The following PAK5 variants were observed in gnomAD, a reference collection of about 807,000 sequenced individuals.
PAK5 encodes serine/threonine-protein kinase PAK 5.
PAK5 carries 16 observed loss-of-function variants against 65.9 expected under a neutral mutation model. That is an observed-to-expected ratio of 0.24 (90% CI 0.16 to 0.37). The LOEUF (loss-of-function observed/expected upper bound fraction) is 0.37, where lower values mean the gene tolerates loss of function less well. PAK5 is among the 10% of genes least tolerant of loss of function. The pLI is 1.00. For missense variants in PAK5, 785 were observed against 903.9 expected, an observed-to-expected ratio of 0.87 and a Z score of 1.69; for synonymous variants, 371 against 354.9, an observed-to-expected ratio of 1.05 and a Z score of -0.51.
intron 3 of PAK5, among the ~76,000 whole-genome samples, chr20:9,619,908 T>C (rs933672074): frequency 1.3e-5 from 2 of 152,244 alleles, no homozygotes; most frequent in Middle Eastern, 3.4e-3. Flanking sequence ...AGCCAATCAT[T>C]AGTGCTCTCA....
chr20:9,565,464 T>C (rs1479971145), intron 5 of PAK5, among the ~76,000 whole-genome samples: 1 of 152,338 alleles, frequency 6.6e-6, no homozygotes, highest in Admixed American at 6.5e-5. Context: ...TATTATGATA[T>C]CATAGTAGTG....
At chr20:9,738,672 C>T (rs999229369) in intron 1 of PAK5, among the ~76,000 whole-genome samples, 1 of 152,096 alleles carries the variant, frequency 6.6e-6, no homozygotes, top group Non-Finnish European at 1.5e-5. Context: ...GTTGGGCAGA[C>T]AGGAAAAGGC....
At chr20:9,546,852 T>C (rs1204656889) in intron 7 of PAK5, among the ~76,000 whole-genome samples, 1 of 152,182 alleles carries the variant, frequency 6.6e-6, no homozygotes, top group Non-Finnish European at 1.5e-5. Context: ...AGAAATGAGA[T>C]GTATTTTAAT....
intron 2 of PAK5, among the ~76,000 whole-genome samples, chr20:9,705,533 C>A (rs537045323): frequency 3.9e-5 from 6 of 152,140 alleles, no homozygotes; most frequent in Admixed American, 3.3e-4. Flanking sequence ...TAAAATCGAT[C>A]ATATGTGTAT....
chr20:9,769,901 A>G (rs550326210), intron 1 of PAK5, among the ~76,000 whole-genome samples: 64 of 152,366 alleles, frequency 4.2e-4, no homozygotes, highest in South Asian at 8.3e-4. Flanking sequence ...TGGTACAAAG[A>G]AATTAGCTAG....
intron 1 of PAK5, among the ~76,000 whole-genome samples, chr20:9,809,477 A>C (rs1187146575): frequency 6.6e-6 from 1 of 152,100 alleles, no homozygotes; most frequent in Non-Finnish European, 1.5e-5. Flanking sequence ...AGAAAGTAAC[A>C]GCTGAGACAA....
Position 9,699,098 on chromosome 20 carries a change from G to A in PAK5, c.-12+12188C>T, listed in dbSNP as rs1600257411. Among the ~76,000 whole-genome samples, 4 of 152,196 alleles carry A rather than the reference G, an allele frequency of 2.6e-5. No individual in the cohort carries two copies. In the South Asian group the frequency reaches 6.2e-4, roughly 24 times the overall value. ...AAGAACGGTCACAATGCCCTCCTCTGCATCCCCTGTACTACAACCAGATCT... is the reference window on the plus strand; with the variant it reads ...AAGAACGGTCACAATGCCCTCCTCTACATCCCCTGTACTACAACCAGATCT... On this transcript the variant is annotated intron_variant, in intron 2 of 9. Transcript: ENST00000353224.
At chr20:9,567,877 A>G (rs750338569) in intron 4 of PAK5, among the ~76,000 whole-genome samples, 1 of 152,244 alleles carries the variant, frequency 6.6e-6, no homozygotes, top group Non-Finnish European at 1.5e-5. Context: ...TGGATAGGGT[A>G]GTCACAGAAG....
chr20:9,581,819 A>C (rs1346125617), intron 3 of PAK5, among the ~76,000 whole-genome samples: 1 of 152,192 alleles, frequency 6.6e-6, no homozygotes, highest in African/African-American at 2.4e-5. Flanking sequence ...GGGGTGGATA[A>C]AAGAACAAAG....
At chr20:9,690,228 C>T (rs1054962791) in intron 2 of PAK5, among the ~76,000 whole-genome samples, 1 of 152,266 alleles carries the variant, frequency 6.6e-6, no homozygotes, top group Non-Finnish European at 1.5e-5. Flanking sequence ...AGGCTGACAG[C>T]GACACACCAT....
intron 1 of PAK5, among the ~76,000 whole-genome samples, chr20:9,797,465 G>C (rs1471434341): frequency 7.1e-6 from 1 of 140,162 alleles, no homozygotes; most frequent in African/African-American, 2.6e-5. Flanking sequence ...TTGGACACAG[G>C]AAGGGGAACA....
At chr20:9,644,385 G>C (rs1012375999) in intron 2 of PAK5, 46 bp from the exon 3 acceptor site, 1 of 1,270,928 alleles carries the variant, frequency 7.9e-7, no homozygotes, top group Non-Finnish European at 1.1e-6. Flanking sequence ...TATCTTGCCA[G>C]CAGAAGACCA....
chr20:9,627,137 A>G (rs2123211498), intron 3 of PAK5, among the ~76,000 whole-genome samples: 1 of 152,362 alleles, frequency 6.6e-6, no homozygotes, highest in South Asian at 2.1e-4. Flanking sequence ...TATCTGCTAA[A>G]CATACCACAG....
At chr20:9,713,374 C>T (rs1428729229) in intron 1 of PAK5, among the ~76,000 whole-genome samples, 2 of 151,784 alleles carry the variant, frequency 1.3e-5, no homozygotes, top group African/African-American at 4.8e-5. Flanking sequence ...CAAATGCTGG[C>T]AAGGATGCAG....
At chr20:9,691,999 T>C (rs1347707253) in intron 2 of PAK5, among the ~76,000 whole-genome samples, 1 of 152,168 alleles carries the variant, frequency 6.6e-6, no homozygotes. Flanking sequence ...TTATGCAGCA[T>C]CCTGTTTAAG....
rs143202397 is a variant in PAK5, at chr20:9,564,527, A to G, written c.1482+1366T>C. Among the ~76,000 whole-genome samples the G allele has an allele frequency of 4.1e-4, 63 of 152,358 alleles. 1 individual carries two copies. In the East Asian group the frequency reaches 0.01, roughly 25 times the overall value. ...ACAGTAAGGTTTATTCATATCTAGC[A>G]GATGAACAGAGATAACATGACAGTC... On this transcript the variant is annotated intron_variant, in intron 5 of 9. Transcript: ENST00000353224.
intron 3 of PAK5, among the ~76,000 whole-genome samples, chr20:9,584,453 C>T (rs2046033382): frequency 6.6e-6 from 1 of 152,208 alleles, no homozygotes; most frequent in African/African-American, 2.4e-5. Flanking sequence ...GCTGGGATTA[C>T]AGGCACTCAC....
Position 9,707,502 on chromosome 20 carries a change from G to A in PAK5, c.-12+3784C>T, listed in dbSNP as rs1349435414. On this transcript the variant is annotated intron_variant, in intron 2 of 9. Transcript: ENST00000353224. ...ATGTTTTCTTCCCGGTAGATTGTTT[G>A]CAATCTAGTTCTTCTTTTTCCTTTA... is the stretch of plus-strand genomic sequence containing the variant. Among the ~76,000 whole-genome samples the A allele has an allele frequency of 2.6e-5, 4 of 152,120 alleles. No individual in the cohort carries two copies. In the East Asian group the frequency reaches 7.7e-4, roughly 29 times the overall value.
chr20:9,751,787 G>T (rs185481746), intron 1 of PAK5, among the ~76,000 whole-genome samples: 221 of 152,144 alleles, frequency 1.5e-3, no homozygotes, highest in Non-Finnish European at 2.6e-3. Flanking sequence ...TGGGTATGTT[G>T]CTATGAAAAT....
Sources: gnomAD v4.1 joint callset for allele counts (sites outside exome capture counted in the v4.1 genomes callset) on GRCh38, gnomAD v4.1.1 for gene constraint, MANE v1.5 for transcripts, NCBI Gene and HGNC (gene_info 2026-07-23, HGNC 2026-07-21) for gene names.